Variants in HTR1F observed in about 807,000 individuals in gnomAD.
HTR1F encodes 5-hydroxytryptamine receptor 1F.
HTR1F carries 17 observed loss-of-function variants against 24.0 expected under a neutral mutation model. That is an observed-to-expected ratio of 0.71 (90% CI 0.48 to 1.06). HTR1F has a LOEUF of 1.06. Ranked by LOEUF, HTR1F falls within the 50% of genes least tolerant of loss-of-function variation. The probability of loss-of-function intolerance (pLI) is 0.00; values close to 1 mark genes in which losing one functional copy is unlikely to be tolerated. For missense variants in HTR1F, 391 were observed against 427.8 expected (o/e 0.91, Z 0.76); for synonymous variants, 186 against 156.8 (o/e 1.19, Z -1.39).
chr3:87,894,697 G>T (rs1303918776), intron 2 of HTR1F, among the ~76,000 whole-genome samples: 1 of 150,322 alleles, frequency 6.7e-6, no homozygotes, highest in Admixed American at 6.7e-5. Context: ...TTTCATCTCT[G>T]CATTTACCTG....
intron 2 of HTR1F, among the ~76,000 whole-genome samples, chr3:87,964,647 A>T (rs144393673): frequency 0.016 from 2,364 of 152,304 alleles, 61 homozygotes; most frequent in African/African-American, 0.054. Flanking sequence ...GACTGAAAAC[A>T]GAGGGTTAGT....
chr3:87,886,181 T>A (rs1348346288), intron 2 of HTR1F, among the ~76,000 whole-genome samples: 1 of 152,190 alleles, frequency 6.6e-6, no homozygotes, highest in Non-Finnish European at 1.5e-5. Context: ...CAAGGCTGGT[T>A]CAACATTCAC....
At chr3:87,905,693 G>C (rs1055398208) in intron 2 of HTR1F, among the ~76,000 whole-genome samples, 7 of 151,160 alleles carry the variant, frequency 4.6e-5, no homozygotes, top group African/African-American at 1.7e-4. Context: ...TTCCATTCAA[G>C]GAGGACTCAA....
intron 2 of HTR1F, among the ~76,000 whole-genome samples, chr3:87,928,515 T>A (rs1704183174): frequency 6.6e-6 from 1 of 152,190 alleles, no homozygotes; most frequent in African/African-American, 2.4e-5. Flanking sequence ...TCTGTGTCCC[T>A]AAAAATGAAT....
intron 2 of HTR1F, among the ~76,000 whole-genome samples, chr3:87,830,169 G>A (rs1372396372): frequency 6.6e-6 from 1 of 152,078 alleles, no homozygotes; most frequent in Non-Finnish European, 1.5e-5. Flanking sequence ...TGACATACTT[G>A]CTTCACCTGG....
At chr3:87,810,487 C>T (rs537038362) in intron 1 of HTR1F, among the ~76,000 whole-genome samples, 2 of 152,208 alleles carry the variant, frequency 1.3e-5, no homozygotes, top group South Asian at 4.1e-4. Context: ...CTTTTGATGC[C>T]TTTCTTTGAC....
intron 2 of HTR1F, among the ~76,000 whole-genome samples, chr3:87,857,926 T>C (rs1357995379): frequency 6.6e-6 from 1 of 152,194 alleles, no homozygotes; most frequent in Non-Finnish European, 1.5e-5. Context: ...ATAATAACAC[T>C]ATTATTTTTA....
chr3:87,991,520 C>G lies in HTR1F; in HGVS notation c.771C>G (p.Asp257Glu), dbSNP rs1280178287. Residue 257 changes from aspartate (D) to glutamate (E), a missense_variant, in exon 3 of 3, where the codon GAC becomes GAG. By Grantham distance (45) the Asp-to-Glu change is conservative (BLOSUM62 2). Coordinates refer to ENST00000319595, the MANE Select transcript of HTR1F (RefSeq NM_001322209.2). ...LEKSLSDPST[D>E]FDKIHSTVRS... ...AGTCTTTATCTGACCCATCAACAGA[C>G]TTTGATAAAATTCATAGCACAGTGA... 6.2e-7 allele frequency: 1 copy of G among 1,613,304 alleles called. No homozygotes were observed. Among genetic ancestry groups the G allele is most frequent in the South Asian group, 1.1e-5 (1 of 91,074 alleles).
chr3:87,981,539 A>G (rs4858927), intron 2 of HTR1F, among the ~76,000 whole-genome samples: 144,455 of 152,274 alleles, frequency 0.95, 68,945 homozygotes, highest in Non-Finnish European at 1. Flanking sequence ...CTCTTAATTA[A>G]TTGAAGTCAT....
rs1390224081 is a variant in HTR1F at position 87,993,151 on chromosome 3, C to A, written c.*1301C>A. The A allele has an allele frequency of 6.0e-6, 1 of 166,760 alleles. No homozygotes were observed. The highest frequency in any genetic ancestry group is 6.6e-5 in the Admixed American group (1 of 15,208). 10.3% of individuals were successfully genotyped at this position (166,760 alleles called of 1,614,324 possible). Reference sequence around the variant, plus strand: ...AAGATCGTTTGAAAAACAATATATACCTTTTTTTAAGTTGTACATTTATGT... The same window carrying A: ...AAGATCGTTTGAAAAACAATATATAACTTTTTTTAAGTTGTACATTTATGT... On this transcript the variant is annotated 3_prime_UTR_variant, in exon 3 of 3. Transcript: ENST00000319595.
At chr3:87,928,046 G>A (rs1576042165) in intron 2 of HTR1F, among the ~76,000 whole-genome samples, 1 of 131,574 alleles carries the variant, frequency 7.6e-6, no homozygotes, top group Non-Finnish European at 1.6e-5. Flanking sequence ...CAATATCTTT[G>A]CTTTTTTTTT....
At chr3:87,958,072 T>C (rs1341117529) in intron 2 of HTR1F, among the ~76,000 whole-genome samples, 3 of 151,576 alleles carry the variant, frequency 2.0e-5, no homozygotes, top group Non-Finnish European at 4.4e-5. Flanking sequence ...TGACATACAG[T>C]ATTTTAATTA....
At chr3:87,885,553 A>G (rs1397330939) in intron 2 of HTR1F, among the ~76,000 whole-genome samples, 7 of 152,148 alleles carry the variant, frequency 4.6e-5, no homozygotes, top group Non-Finnish European at 8.8e-5. Flanking sequence ...TGAATCCAGG[A>G]GCTGTTTTTT....
intron 2 of HTR1F, among the ~76,000 whole-genome samples, chr3:87,854,984 C>A (rs1468921696): frequency 6.6e-6 from 1 of 151,930 alleles, no homozygotes; most frequent in African/African-American, 2.4e-5. Flanking sequence ...CAGATCTATT[C>A]ATTAGAGCAT....
At chr3:87,841,830 G>C (rs190967407) in intron 2 of HTR1F, among the ~76,000 whole-genome samples, 1 of 145,064 alleles carries the variant, frequency 6.9e-6, no homozygotes, top group East Asian at 2.1e-4. Context: ...AACCCTGGAG[G>C]CAGAGATTGC....
At chr3:87,896,350 GTGTCTAA>G (rs1706199146) in intron 2 of HTR1F, among the ~76,000 whole-genome samples, 2 of 152,222 alleles carry the variant, frequency 1.3e-5, no homozygotes, top group South Asian at 2.1e-4. Context: ...TTTTGTCTGA[GTGTCTAA>G]TGTGTGCCAG....
chr3:87,833,154 G>A (rs1167049358), intron 2 of HTR1F, among the ~76,000 whole-genome samples: 8 of 148,976 alleles, frequency 5.4e-5, no homozygotes, highest in East Asian at 3.9e-4. Flanking sequence ...AAATCTGCTT[G>A]CAATATTGTC....
At position 87,987,634 on chromosome 3, in the gene HTR1F, T is replaced by C. The variant is rs948158613; in HGVS notation, c.-42-3074T>C. ...TACGGAAATATATATATATATAATATATGTATTTTATATATATATATATAA... is the reference window on the plus strand; with the variant it reads ...TACGGAAATATATATATATATAATACATGTATTTTATATATATATATATAA... On this transcript the variant is annotated intron_variant, in intron 2 of 2. Coordinates refer to ENST00000319595, the MANE Select transcript of HTR1F (RefSeq NM_001322209.2). Among the ~76,000 whole-genome samples the C allele has an allele frequency of 8.6e-4, 14 of 16,256 alleles. 1 individual carries two copies. The highest frequency in any genetic ancestry group is 0.04 in the Middle Eastern group (2 of 50). 10.7% of individuals were successfully genotyped at this position (16,256 alleles called of 152,430 possible). A position where few individuals can be genotyped will look rare whatever the true frequency, so the allele number is the denominator to read the frequency against.
chr3:87,903,291 A>G (rs1307797488), intron 2 of HTR1F, among the ~76,000 whole-genome samples: 2 of 149,180 alleles, frequency 1.3e-5, no homozygotes, highest in African/African-American at 4.9e-5. Flanking sequence ...TAATTAAACT[A>G]AAGAGCTTCT....
Sources: allele counts gnomAD v4.1 joint callset (sites outside exome capture counted in the v4.1 genomes callset), GRCh38; gene constraint gnomAD v4.1.1; transcripts MANE v1.5; gene names NCBI Gene and HGNC (gene_info 2026-07-23, HGNC 2026-07-21).